Variants in AGBL1 observed in about 807,000 individuals in gnomAD.
The protein encoded by AGBL1 is AGBL carboxypeptidase 1, also known as cytosolic carboxypeptidase 4.
Under a neutral mutation model 118.9 loss-of-function variants are expected in AGBL1, and 130 were observed. That is an observed-to-expected ratio of 1.09 (90% CI 0.95 to 1.26). The LOEUF is 1.26. Ranked by LOEUF, AGBL1 falls within the 50% of genes most tolerant of loss-of-function variation. The pLI is 0.00. For missense variants in AGBL1, 1,584 were observed against 1,298.1 expected, an observed-to-expected ratio of 1.22 and a Z score of -3.38; for synonymous variants, 555 against 478.9, an observed-to-expected ratio of 1.16 and a Z score of -2.08.
At chr15:86,736,725 A>G (rs2077605756) in intron 22 of AGBL1, among the ~76,000 whole-genome samples, 1 of 152,138 alleles carries the variant, frequency 6.6e-6, no homozygotes, top group Admixed American at 6.5e-5. Flanking sequence ...CTCCATGGGG[A>G]TAAGGACATA....
At chr15:86,749,419 A>G (rs535782202) in intron 22 of AGBL1, among the ~76,000 whole-genome samples, 6 of 152,210 alleles carry the variant, frequency 3.9e-5, no homozygotes, top group African/African-American at 1.2e-4. Flanking sequence ...GGCTGAGACA[A>G]TGGGGTTTTC....
chr15:86,781,902 G>A (rs922799167), intron 22 of AGBL1, among the ~76,000 whole-genome samples: 3 of 150,788 alleles, frequency 2.0e-5, no homozygotes, highest in East Asian at 3.9e-4. Flanking sequence ...TTTTTTAATT[G>A]GCCTTGTTAT....
At chr15:86,157,425 TA>T (rs2141701448) in intron 4 of AGBL1, among the ~76,000 whole-genome samples, 1 of 152,284 alleles carries the variant, frequency 6.6e-6, no homozygotes, top group Non-Finnish European at 1.5e-5. Flanking sequence ...TCCTAAAGCA[TA>T]AATAGGCTGA....
chr15:86,706,322 T>A (rs143050088), intron 22 of AGBL1, among the ~76,000 whole-genome samples: 11 of 152,088 alleles, frequency 7.2e-5, no homozygotes, highest in African/African-American at 2.7e-4. Context: ...ATGAAATAAG[T>A]TCAAGTGGTA....
At chr15:86,335,307 T>G (rs1433916862) in intron 17 of AGBL1, among the ~76,000 whole-genome samples, 1 of 151,974 alleles carries the variant, frequency 6.6e-6, no homozygotes, top group Non-Finnish European at 1.5e-5. Flanking sequence ...CCCAGCTAAT[T>G]TTTTGTATTT....
At chr15:86,289,390 A>T (rs1465641759) in intron 16 of AGBL1, among the ~76,000 whole-genome samples, 4 of 152,126 alleles carry the variant, frequency 2.6e-5, no homozygotes, top group Non-Finnish European at 5.9e-5. Context: ...TTACTACTTA[A>T]AGATAATATA....
At chr15:86,392,836 G>T (rs1400085845) in intron 17 of AGBL1, among the ~76,000 whole-genome samples, 1 of 152,062 alleles carries the variant, frequency 6.6e-6, no homozygotes, top group Non-Finnish European at 1.5e-5. Context: ...TTTATTAATT[G>T]CAGAAAAAAA....
chr15:86,607,947 G>T (rs1200540843), intron 21 of AGBL1, among the ~76,000 whole-genome samples: 2 of 152,082 alleles, frequency 1.3e-5, no homozygotes, highest in African/African-American at 4.8e-5. Context: ...TATTTGAGAT[G>T]ATATCTATAA....
chr15:86,824,378 C>G (rs1332959174), intron 22 of AGBL1, among the ~76,000 whole-genome samples: 3 of 152,000 alleles, frequency 2.0e-5, no homozygotes, highest in Non-Finnish European at 4.4e-5. Flanking sequence ...ATACCCTTAA[C>G]AAAACATGTA....
At chr15:86,596,479 AG>A (rs1263350954) in intron 21 of AGBL1, among the ~76,000 whole-genome samples, 1 of 152,216 alleles carries the variant, frequency 6.6e-6, no homozygotes, top group Non-Finnish European at 1.5e-5. Context: ...AGTCCTTCAG[AG>A]GGCCCTTGGG....
chr15:86,318,243 A>G (rs1318573422), intron 17 of AGBL1, among the ~76,000 whole-genome samples: 2 of 152,224 alleles, frequency 1.3e-5, no homozygotes, highest in African/African-American at 2.4e-5. Flanking sequence ...TAGAACATAA[A>G]CATAAAATAA....
chr15:86,916,935 A>G (rs1252516750), downstream of AGBL1, among the ~76,000 whole-genome samples: 1 of 152,212 alleles, frequency 6.6e-6, no homozygotes, highest in Non-Finnish European at 1.5e-5. Flanking sequence ...TGCCCAGCAG[A>G]ATAAAAGCTT....
chr15:86,754,063 A>T (rs1435261602), intron 22 of AGBL1, among the ~76,000 whole-genome samples: 2 of 152,132 alleles, frequency 1.3e-5, no homozygotes, highest in African/African-American at 4.8e-5. Context: ...CAACCAAACA[A>T]CAGCATCCAT....
intron 21 of AGBL1, among the ~76,000 whole-genome samples, chr15:86,571,944 G>A (rs562188171): frequency 3.7e-4 from 56 of 152,192 alleles, no homozygotes; most frequent in Non-Finnish European, 6.9e-4. Context: ...GAAGCCTGAA[G>A]GCCAGCATCA....
At chr15:86,871,209 T>C (rs2079723229) in intron 22 of AGBL1, among the ~76,000 whole-genome samples, 1 of 152,312 alleles carries the variant, frequency 6.6e-6, no homozygotes, top group South Asian at 2.1e-4. Context: ...AAGGAAATTG[T>C]CTCCAGTATC....
intron 3 of AGBL1, among the ~76,000 whole-genome samples, chr15:86,144,993 A>G (rs2077013728): frequency 2.6e-5 from 4 of 152,108 alleles, no homozygotes; most frequent in Admixed American, 2.6e-4. Flanking sequence ...AATCGGTTCC[A>G]TGCCCCTCTC....
intron 22 of AGBL1, among the ~76,000 whole-genome samples, chr15:86,836,805 T>C (rs1596535882): frequency 6.6e-6 from 1 of 152,150 alleles, no homozygotes; most frequent in African/African-American, 2.4e-5. Context: ...GCTGAAAGAA[T>C]CCATCTCAGA....
rs141934808 is a variant in AGBL1 at position 86,652,756 on chromosome 15, C to T, written c.2995-21517C>T. Among the ~76,000 whole-genome samples, 34 of 152,152 alleles carry T rather than the reference C, an allele frequency of 2.2e-4. No individual in the cohort carries two copies. The East Asian group carries it at 5.8e-3, about 26-fold the overall frequency. On this transcript the variant is annotated intron_variant, in intron 21 of 22. Transcript: ENST00000614907. The stretch of plus-strand genomic sequence containing the variant: ...TCATGAATGACTACATTAAATCTCC[C>T]AAAAATGTATGTATACACACACTTC...
At chr15:86,545,850 A>C (rs1047545251) in intron 19 of AGBL1, among the ~76,000 whole-genome samples, 152 bp from the exon 20 acceptor site, 2 of 152,218 alleles carry the variant, frequency 1.3e-5, no homozygotes, top group African/African-American at 4.8e-5. Flanking sequence ...AGTGATCCGC[A>C]CATGGCTGGT....
Sources: allele counts gnomAD v4.1 joint callset (sites outside exome capture counted in the v4.1 genomes callset), GRCh38; gene constraint gnomAD v4.1.1; transcripts MANE v1.5; gene names NCBI Gene and HGNC (gene_info 2026-07-23, HGNC 2026-07-21).